AKR1E2: variants seen among roughly 807,000 people sequenced by gnomAD.
AKR1E2 encodes the protein 1,5-anhydro-D-fructose reductase.
AKR1E2 carries 43 observed loss-of-function variants against 41.9 expected under a neutral mutation model. The ratio of observed to expected loss-of-function variants is 1.03; its 90% CI spans 0.80 to 1.32. AKR1E2 has a LOEUF of 1.32. Among genes scored for constraint, AKR1E2 ranks in the 40% most tolerant of loss-of-function variants. AKR1E2 has a pLI of 0.00. For missense variants in AKR1E2, 423 were observed against 396.5 expected, an observed-to-expected ratio of 1.07 and a Z score of -0.57; for synonymous variants, 121 against 138.9, an observed-to-expected ratio of 0.87 and a Z score of 0.91.
chr10:4,830,574 A>T, intron 1 of AKR1E2, 101 bp from the exon 2 acceptor site: 2 of 1,385,134 alleles, frequency 1.4e-6, no homozygotes, highest in Admixed American at 2.1e-5. Flanking sequence ...TAGTGACTTA[A>T]TTTTTTATGT....
downstream of AKR1E2, among the ~76,000 whole-genome samples, chr10:4,852,106 A>C (rs1006344226): frequency 6.6e-6 from 1 of 152,200 alleles, no homozygotes; most frequent in Non-Finnish European, 1.5e-5. Flanking sequence ...ACTCTATTCC[A>C]ATGGTGACCA....
At chr10:4,837,411 A>T in intron 4 of AKR1E2, 48 bp from the exon 5 acceptor site, 1 of 1,597,478 alleles carries the variant, frequency 6.3e-7, no homozygotes, top group Non-Finnish European at 8.6e-7. Flanking sequence ...GTAGATTGTC[A>T]GTGCAGTAGA....
chr10:4,847,127 A>G, intron 8 of AKR1E2, 21 bp from the exon 9 acceptor site: 1 of 1,613,768 alleles, frequency 6.2e-7, no homozygotes, highest in Non-Finnish European at 8.5e-7. Context: ...GTTTTCTACA[A>G]ACATTGTGTT....
chr10:4,847,279 G>A, intron 9 of AKR1E2, 49 bp downstream of exon 9: 1 of 1,610,694 alleles, frequency 6.2e-7, no homozygotes, highest in Non-Finnish European at 8.5e-7. Flanking sequence ...TATACAGATT[G>A]AATGATTGGT....
At chr10:4,830,336 A>G (rs1199486400) in intron 1 of AKR1E2, among the ~76,000 whole-genome samples, 2 of 150,200 alleles carry the variant, frequency 1.3e-5, no homozygotes, top group South Asian at 2.1e-4. Flanking sequence ...CTGAGTATAC[A>G]GGATAAATCT....
chr10:4,838,681 T>C (rs1394515625), intron 5 of AKR1E2, among the ~76,000 whole-genome samples: 1 of 152,194 alleles, frequency 6.6e-6, no homozygotes, highest in Non-Finnish European at 1.5e-5. Context: ...TGGGTCCTGT[T>C]GTAGCCACCA....
chr10:4,829,749 A>G (rs1400904844), intron 1 of AKR1E2, among the ~76,000 whole-genome samples: 4 of 152,098 alleles, frequency 2.6e-5, no homozygotes, highest in African/African-American at 9.6e-5. Flanking sequence ...TTTTATCTGC[A>G]TGTTTTACTG....
At chr10:4,860,913 T>C in the AKR1E2 span, among the ~76,000 whole-genome samples, 109 of 152,342 alleles carry the variant, frequency 7.2e-4, no homozygotes, top group African/African-American at 2.6e-3. Flanking sequence ...GGATGCCTCA[T>C]AGAGATGCTT....
At chr10:4,858,581 G>A in the AKR1E2 span, among the ~76,000 whole-genome samples, 2 of 152,138 alleles carry the variant, frequency 1.3e-5, no homozygotes, top group Middle Eastern at 3.2e-3. Context: ...CCAGGGTGGT[G>A]GAGACATTTT....
At chr10:4,861,620 C>T in the AKR1E2 span, among the ~76,000 whole-genome samples, 7 of 152,222 alleles carry the variant, frequency 4.6e-5, no homozygotes, top group East Asian at 1.9e-4. Flanking sequence ...CCTCCCGCCT[C>T]GGTCTCCCAA....
chr10:4,857,176 G>A, the AKR1E2 span, among the ~76,000 whole-genome samples: 28 of 152,184 alleles, frequency 1.8e-4, no homozygotes, highest in African/African-American at 4.6e-4. Context: ...TTCACATTGC[G>A]TGGCTGTACC....
At chr10:4,869,436 A>G in the AKR1E2 span, among the ~76,000 whole-genome samples, 5 of 152,174 alleles carry the variant, frequency 3.3e-5, no homozygotes, top group African/African-American at 7.2e-5. Flanking sequence ...CAGTCTTGCT[A>G]GAAGCTTGCT....
the AKR1E2 span, among the ~76,000 whole-genome samples, chr10:4,854,367 T>C: frequency 8.0e-4 from 122 of 152,174 alleles, no homozygotes; most frequent in Non-Finnish European, 1.4e-3. Flanking sequence ...GCTGGGATTA[T>C]AGGCATGAGC....
At chr10:4,849,814 G>C (rs1834489881), downstream of AKR1E2, among the ~76,000 whole-genome samples, 1 of 152,202 alleles carries the variant, frequency 6.6e-6, no homozygotes, top group African/African-American at 2.4e-5. Flanking sequence ...TGAAAACTGA[G>C]TGAAGCTGGC....
chr10:4,859,793 C>T, the AKR1E2 span, among the ~76,000 whole-genome samples: 1 of 152,238 alleles, frequency 6.6e-6, no homozygotes, highest in Non-Finnish European at 1.5e-5. Context: ...AGTGATCTCT[C>T]TCTGGAGAGG....
At chr10:4,854,809 C>T in the AKR1E2 span, among the ~76,000 whole-genome samples, 4 of 152,220 alleles carry the variant, frequency 2.6e-5, no homozygotes, top group Non-Finnish European at 5.9e-5. Context: ...TCATAAAAGG[C>T]AAGGACACTT....
chr10:4,857,545 G>A, the AKR1E2 span, among the ~76,000 whole-genome samples: 3 of 152,282 alleles, frequency 2.0e-5, no homozygotes, highest in Non-Finnish European at 2.9e-5. Context: ...TATACAGCCT[G>A]TGGAACTGTG....
chr10:4,827,158 C>A (rs940863294), intron 1 of AKR1E2, among the ~76,000 whole-genome samples: 1 of 151,960 alleles, frequency 6.6e-6, no homozygotes, highest in South Asian at 2.1e-4. Context: ...CATGTTGTTC[C>A]CTGTTTAGAA....
the AKR1E2 span, among the ~76,000 whole-genome samples, chr10:4,863,595 A>G: frequency 6.6e-6 from 1 of 152,172 alleles, no homozygotes; most frequent in Non-Finnish European, 1.5e-5. Flanking sequence ...GCAGAAGGCA[A>G]GAAATAACTA....
Sources: allele counts gnomAD v4.1 joint callset (sites outside exome capture counted in the v4.1 genomes callset), GRCh38; gene constraint gnomAD v4.1.1; transcripts MANE v1.5; gene names NCBI Gene and HGNC (gene_info 2026-07-23, HGNC 2026-07-21).